Variants in APCDD1L observed in about 807,000 individuals in gnomAD.
APCDD1L encodes protein APCDD1-like.
APCDD1L carries 21 observed loss-of-function variants against 24.2 expected under a neutral mutation model. The ratio of observed to expected loss-of-function variants is 0.87; its 90% CI spans 0.61 to 1.25. The LOEUF (loss-of-function observed/expected upper bound fraction) is 1.25. APCDD1L is among the 50% of genes most tolerant of loss of function. APCDD1L has a pLI of 0.00. For missense variants in APCDD1L, 704 were observed against 711.7 expected (o/e 0.99, Z 0.12); for synonymous variants, 321 against 323.6 (o/e 0.99, Z 0.09).
intron 1 of APCDD1L, among the ~76,000 whole-genome samples, chr20:58,487,770 A>T (rs973484128): frequency 2.0e-5 from 3 of 152,232 alleles, no homozygotes; most frequent in Admixed American, 6.5e-5. Flanking sequence ...AGATGGCCAT[A>T]TCAGAACATA....
chr20:58,510,035 T>C (rs1990597861), intron 1 of APCDD1L, among the ~76,000 whole-genome samples: 1 of 151,710 alleles, frequency 6.6e-6, no homozygotes, highest in Admixed American at 6.6e-5. Context: ...CCGGGAATTC[T>C]GTCTGTTCTG....
chr20:58,476,731 C>T (rs578228116), intron 1 of APCDD1L, among the ~76,000 whole-genome samples: 4 of 152,306 alleles, frequency 2.6e-5, no homozygotes, highest in East Asian at 3.9e-4. Context: ...TGTGTAGCCT[C>T]GAAGCCCTTT....
At chr20:58,489,396 A>G (rs922916458) in intron 1 of APCDD1L, among the ~76,000 whole-genome samples, 2 of 151,652 alleles carry the variant, frequency 1.3e-5, no homozygotes, top group Non-Finnish European at 2.9e-5. Context: ...AACAAAAAAA[A>G]ATTAGGGTCA....
chr20:58,479,048 G>T (rs887033546), intron 1 of APCDD1L, among the ~76,000 whole-genome samples: 1 of 152,024 alleles, frequency 6.6e-6, no homozygotes, highest in African/African-American at 2.4e-5. Flanking sequence ...TCCTGACATG[G>T]TCCTGCACCC....
intron 1 of APCDD1L, 72 bp from the exon 2 acceptor site, chr20:58,470,819 C>G: frequency 6.8e-7 from 1 of 1,469,574 alleles, no homozygotes; most frequent in South Asian, 1.4e-5. Flanking sequence ...CCCTCCCAAC[C>G]CCACTGTGGC....
Position 58,515,033 on chromosome 20 carries a change from C to G in APCDD1L, c.-326G>C, listed in dbSNP as rs1990717258. ...AGACCCCCAGCCCTCCCCCAGATGT[C>G]CGTCCCCTGGCCGTCGCCTTCCCCA... On this transcript the variant is annotated 5_prime_UTR_variant, in exon 1 of 4. Transcript: ENST00000371149. 3.7e-6 allele frequency: 1 copy of G among 268,318 alleles called. No homozygotes were observed. Among genetic ancestry groups the G allele is most frequent in the Admixed American group, 5.4e-5 (1 of 18,416 alleles). 16.6% of individuals were successfully genotyped at this position (268,318 alleles called of 1,614,324 possible).
intron 1 of APCDD1L, among the ~76,000 whole-genome samples, chr20:58,496,320 G>A (rs1990320545): frequency 6.6e-6 from 1 of 152,230 alleles, no homozygotes; most frequent in Non-Finnish European, 1.5e-5. Flanking sequence ...GCTTGCCAGA[G>A]GCTGTAGCAG....
intron 1 of APCDD1L, among the ~76,000 whole-genome samples, chr20:58,486,585 T>A (rs991784657): frequency 6.6e-6 from 1 of 152,086 alleles, no homozygotes; most frequent in African/African-American, 2.4e-5. Context: ...CCAGAAGTGA[T>A]AAAAGACACC....
rs1990353349 is a variant in APCDD1L at position 58,497,827 on chromosome 20, G to A, written c.49+16832C>T. Among the ~76,000 whole-genome samples the A allele has an allele frequency of 6.6e-6, 1 of 152,096 alleles. No individual in the cohort carries two copies. The highest frequency in any genetic ancestry group is 2.4e-5 in the African/African-American group (1 of 41,406). On this transcript the variant is annotated intron_variant, in intron 1 of 3. Transcript: ENST00000371149. The surrounding 1 kb of genome is among the most constrained non-coding windows in gnomAD (Gnocchi z 4.3). ...GGCTGGTGGAGAAGGGACCTTGTGC[G>A]GCCTCTATTAATAGATTCTCATATT...
chr20:58,465,376 C>T (rs1989687646), intron 3 of APCDD1L, among the ~76,000 whole-genome samples: 1 of 152,224 alleles, frequency 6.6e-6, no homozygotes, highest in African/African-American at 2.4e-5. Flanking sequence ...TGGTCTGTCT[C>T]ATCCACAGTG....
chr20:58,466,589 C>T (rs1165365088), intron 3 of APCDD1L, among the ~76,000 whole-genome samples: 2 of 152,246 alleles, frequency 1.3e-5, no homozygotes, highest in East Asian at 1.9e-4. Context: ...TGATCGTCGG[C>T]CTGACCCGTG....
chr20:58,483,509 G>T (rs1356071193), intron 1 of APCDD1L, among the ~76,000 whole-genome samples: 2 of 152,122 alleles, frequency 1.3e-5, no homozygotes, highest in East Asian at 3.8e-4. Context: ...GTCAATCCTG[G>T]GTTGCTGTTA....
intron 1 of APCDD1L, among the ~76,000 whole-genome samples, chr20:58,483,101 G>A (rs1312602227): frequency 6.6e-6 from 1 of 152,202 alleles, no homozygotes; most frequent in Non-Finnish European, 1.5e-5. Context: ...AGGACAAGAA[G>A]CTGCTTGACA....
intron 1 of APCDD1L, among the ~76,000 whole-genome samples, chr20:58,473,622 T>G (rs987581835): frequency 1.3e-5 from 2 of 151,998 alleles, no homozygotes; most frequent in African/African-American, 2.4e-5. Flanking sequence ...CTTCTCTTCC[T>G]CCAAAAAAGT....
At chr20:58,477,132 A>G (rs1416027166) in intron 1 of APCDD1L, among the ~76,000 whole-genome samples, 1 of 152,246 alleles carries the variant, frequency 6.6e-6, no homozygotes, top group East Asian at 1.9e-4. Context: ...CAGTTTCTCT[A>G]CAGGTTAACA....
intron 1 of APCDD1L, among the ~76,000 whole-genome samples, chr20:58,509,847 C>A (rs1015676421): frequency 6.6e-6 from 1 of 152,202 alleles, no homozygotes; most frequent in African/African-American, 2.4e-5. Flanking sequence ...TCTTACCCTG[C>A]TTTACATCCT....
chr20:58,467,137 G>T lies in APCDD1L; in HGVS notation c.710C>A (p.Thr237Lys). The T allele has an allele frequency of 6.2e-7, 1 of 1,607,956 alleles. No homozygotes were observed. Among genetic ancestry groups the T allele is most frequent in the Non-Finnish European group, 8.5e-7 (1 of 1,179,446 alleles). ...GCTCTGCAGCGGGCGCTGGTAGCCC[G>T]TGGGCCGGTAGTGCCGCCTCTCCGC... is the stretch of plus-strand genomic sequence containing the variant. Reference protein sequence around the residue: ...DPAERRHYRPTGYQRPLQSAL... With the variant: ...DPAERRHYRPKGYQRPLQSAL... The change falls in exon 3 of 4, where the codon ACG (threonine) becomes AAG (lysine). Residue 237 changes from threonine (T) to lysine (K), a missense_variant. Thr to Lys is a moderately conservative substitution (Grantham distance 78). Coordinates refer to ENST00000371149, the MANE Select transcript of APCDD1L (RefSeq NM_153360.3). The surrounding 1 kb of genome is among the most constrained non-coding windows in gnomAD (Gnocchi z 5.9).
intron 1 of APCDD1L, among the ~76,000 whole-genome samples, chr20:58,499,784 C>T (rs1990395954): frequency 6.6e-6 from 1 of 152,222 alleles, no homozygotes; most frequent in Admixed American, 6.5e-5. Flanking sequence ...CCATCCCTGT[C>T]TCTCCTCTCT....
intron 1 of APCDD1L, among the ~76,000 whole-genome samples, chr20:58,480,611 C>G (rs67123570): frequency 2.6e-5 from 4 of 152,084 alleles, no homozygotes; most frequent in Admixed American, 2.6e-4. Flanking sequence ...GATAACTCCC[C>G]GAGGCCTCTG....
Sources: gnomAD v4.1 joint callset for allele counts (sites outside exome capture counted in the v4.1 genomes callset) on GRCh38, gnomAD v4.1.1 for gene constraint, Gnocchi (gnomAD v3.1) non-coding constraint, MANE v1.5 for transcripts, NCBI Gene and HGNC (gene_info 2026-07-23, HGNC 2026-07-21) for gene names.